ENTHD1: variants seen among roughly 807,000 people sequenced by gnomAD.
ENTHD1 encodes ENTH domain-containing protein 1.
In ENTHD1, 23 loss-of-function variants were observed where a neutral mutation model predicts 39.1. That is an observed-to-expected ratio of 0.59 (90% confidence interval 0.42 to 0.83). The LOEUF is 0.83. Ranked by LOEUF, ENTHD1 falls within the 40% of genes least tolerant of loss-of-function variation. The pLI is 0.00. For missense variants in ENTHD1, 624 were observed against 705.4 expected, an observed-to-expected ratio of 0.88 and a Z score of 1.31; for synonymous variants, 230 against 258.2, an observed-to-expected ratio of 0.89 and a Z score of 1.05.
intron 5 of ENTHD1, among the ~76,000 whole-genome samples, chr22:39,779,184 G>A (rs746802541): frequency 3.9e-5 from 6 of 152,100 alleles, no homozygotes; most frequent in Admixed American, 6.6e-5. Context: ...GGGCATGGTG[G>A]TGAGTGCCTG....
Position 39,821,043 on chromosome 22 carries a change from G to T in ENTHD1, c.782C>A (p.Pro261Gln), listed in dbSNP as rs753713322. 6.2e-7 allele frequency: 1 copy of T among 1,614,036 alleles called. No individual in the cohort carries two copies. Among genetic ancestry groups the T allele is most frequent in the Non-Finnish European group, 8.5e-7 (1 of 1,179,948 alleles). Residue 261 changes from proline (P) to glutamine (Q), a missense_variant, in exon 5 of 7, where the codon CCA becomes CAA. Coordinates refer to ENST00000325157, the MANE Select transcript of ENTHD1 (RefSeq NM_152512.4). ...LLATPPSIVS[P>Q]ITCLSEAEEV... ...TTCTGCTTCTGACAAGCAAGTGATTGGAGAGACAATGGAAGGAGGTGTTGC... is the reference window on the plus strand; with the variant it reads ...TTCTGCTTCTGACAAGCAAGTGATTTGAGAGACAATGGAAGGAGGTGTTGC...
chr22:39,875,636 T>C, intron 2 of ENTHD1: 1 of 1,612,198 alleles, frequency 6.2e-7, no homozygotes, highest in Non-Finnish European at 8.5e-7. Context: ...TTTCTCCTAT[T>C]TGGTAACTGG....
intron 5 of ENTHD1, among the ~76,000 whole-genome samples, chr22:39,818,583 G>A (rs2065751675): frequency 6.6e-6 from 1 of 152,206 alleles, no homozygotes; most frequent in Non-Finnish European, 1.5e-5. Flanking sequence ...AAAAGTACTT[G>A]TCTGGTACTA....
chr22:39,819,312 C>A (rs1179893163), intron 5 of ENTHD1, among the ~76,000 whole-genome samples: 1 of 151,750 alleles, frequency 6.6e-6, no homozygotes, highest in African/African-American at 2.4e-5. Flanking sequence ...GTGCGGTGAG[C>A]CGAGATCGCG....
intron 6 of ENTHD1, among the ~76,000 whole-genome samples, chr22:39,758,434 T>G (rs1342720152): frequency 6.6e-6 from 1 of 152,148 alleles, no homozygotes; most frequent in Non-Finnish European, 1.5e-5. Flanking sequence ...ATTTATTTAT[T>G]TATTTTGGAG....
At chr22:39,764,975 A>C (rs368002882) in intron 6 of ENTHD1, among the ~76,000 whole-genome samples, 19 of 152,160 alleles carry the variant, frequency 1.2e-4, no homozygotes, top group African/African-American at 4.1e-4. Flanking sequence ...AATTGCTCAG[A>C]TCTTATATTC....
At chr22:39,795,832 C>A (rs2065544819) in intron 5 of ENTHD1, among the ~76,000 whole-genome samples, 1 of 152,104 alleles carries the variant, frequency 6.6e-6, no homozygotes, top group South Asian at 2.1e-4. Context: ...TTATCCATTT[C>A]CTCTAGGTTT....
chr22:39,810,682 G>A (rs1230421876), intron 5 of ENTHD1, among the ~76,000 whole-genome samples: 1 of 152,174 alleles, frequency 6.6e-6, no homozygotes, highest in Non-Finnish European at 1.5e-5. Flanking sequence ...AAGGATGACG[G>A]TAGATTATTG....
chr22:39,854,827 C>A (rs1200307738), intron 3 of ENTHD1, among the ~76,000 whole-genome samples: 4 of 152,204 alleles, frequency 2.6e-5, no homozygotes, highest in African/African-American at 9.6e-5. Flanking sequence ...GTCCTAAAGG[C>A]TGGAAATCAC....
At chr22:39,824,205 T>A (rs894207415) in intron 4 of ENTHD1, among the ~76,000 whole-genome samples, 1 of 131,504 alleles carries the variant, frequency 7.6e-6, no homozygotes, top group South Asian at 2.6e-4. Flanking sequence ...CCAGTTCTTT[T>A]TTTTTTTTTT....
intron 2 of ENTHD1, among the ~76,000 whole-genome samples, chr22:39,863,671 CT>C (rs1022929197): frequency 2.7e-4 from 41 of 152,224 alleles, no homozygotes; most frequent in Non-Finnish European, 4.4e-5. Context: ...CCCAAGCCAC[CT>C]TTCAAAAATA....
chr22:39,879,963 C>A (rs977005019), intron 2 of ENTHD1, among the ~76,000 whole-genome samples: 4 of 152,226 alleles, frequency 2.6e-5, no homozygotes, highest in African/African-American at 9.6e-5. Flanking sequence ...CGCAATGGCT[C>A]ATGCCTATAA....
At chr22:39,759,003 G>C (rs1196051330) in intron 6 of ENTHD1, among the ~76,000 whole-genome samples, 1 of 152,080 alleles carries the variant, frequency 6.6e-6, no homozygotes, top group Non-Finnish European at 1.5e-5. Context: ...TGCTGGATTT[G>C]ATTTGCTAAT....
intron 6 of ENTHD1, among the ~76,000 whole-genome samples, chr22:39,755,674 G>C (rs2065179386): frequency 6.6e-6 from 1 of 152,146 alleles, no homozygotes; most frequent in Non-Finnish European, 1.5e-5. Context: ...AACAACTAGA[G>C]AGGATTTTGA....
intron 3 of ENTHD1, among the ~76,000 whole-genome samples, chr22:39,840,934 A>G (rs1433391928): frequency 6.6e-6 from 1 of 152,024 alleles, no homozygotes; most frequent in African/African-American, 2.4e-5. Flanking sequence ...TTGTATTTTT[A>G]GTAGAGACAG....
intron 5 of ENTHD1, among the ~76,000 whole-genome samples, chr22:39,799,678 C>A (rs1424030072): frequency 6.6e-6 from 1 of 152,204 alleles, no homozygotes; most frequent in Non-Finnish European, 1.5e-5. Context: ...CATGCAAGCT[C>A]TTAGTCTGAG....
chr22:39,825,623 T>C (rs527492260), intron 4 of ENTHD1, among the ~76,000 whole-genome samples: 2 of 152,174 alleles, frequency 1.3e-5, no homozygotes, highest in South Asian at 4.1e-4. Context: ...AAAATGATTG[T>C]AGAACTATTG....
chr22:39,883,465 A>T (rs2066355770), intron 2 of ENTHD1, among the ~76,000 whole-genome samples: 1 of 152,128 alleles, frequency 6.6e-6, no homozygotes, highest in African/African-American at 2.4e-5. Flanking sequence ...CCCCACCCTG[A>T]TAAAGGACAT....
intron 5 of ENTHD1, among the ~76,000 whole-genome samples, chr22:39,812,827 G>C (rs1488934523): frequency 1.3e-5 from 2 of 152,082 alleles, no homozygotes; most frequent in African/African-American, 4.8e-5. Context: ...CTGTCGCCCA[G>C]GCTGCAGTGC....
Sources: allele counts gnomAD v4.1 joint callset (sites outside exome capture counted in the v4.1 genomes callset), GRCh38; gene constraint gnomAD v4.1.1; transcripts MANE v1.5; gene names NCBI Gene and HGNC (gene_info 2026-07-23, HGNC 2026-07-21).